The following TEX15 variants were observed in gnomAD, a reference collection of about 807,000 sequenced individuals.
The protein encoded by TEX15 is testis-expressed protein 15.
In TEX15, 171 loss-of-function variants were observed where a neutral mutation model predicts 237.3. The ratio of observed to expected loss-of-function variants is 0.72; its 90% CI spans 0.64 to 0.82. TEX15 has a LOEUF of 0.82. Ranked by LOEUF, TEX15 falls within the 40% of genes least tolerant of loss-of-function variation. The pLI is 0.00. For missense variants in TEX15, 3,750 were observed against 3,646.5 expected (o/e 1.03, Z -0.73); for synonymous variants, 1,338 against 1,269.8 (o/e 1.05, Z -1.14).
chr8:30,848,739 A>C lies in TEX15; in HGVS notation c.1428T>G (p.Ser476=), dbSNP rs1807693627. 6.2e-7 allele frequency: 1 copy of C among 1,614,234 alleles called. No homozygotes were observed. The highest frequency in any genetic ancestry group is 2.2e-5 in the East Asian group (1 of 44,884). Residue 476 remains serine (S), a synonymous_variant, in exon 8 of 11, where the codon TCT becomes TCG. Transcript: ENST00000643185. ...NSEIKSTPSN[S]ASSSEVVPGD... ...CAGGGACAACTTCTGAGGAGGAGGC[A>C]GAATTAGATGGTGTCGATTTTATTT...
At position 30,846,310 on chromosome 8, in the gene TEX15, TAGTC is replaced by T; in HGVS notation, c.3853_3856del (p.Asp1285IlefsTer10). 2.5e-6 allele frequency: 4 copies of T among 1,613,012 alleles called. No individual in the cohort carries two copies. The highest frequency in any genetic ancestry group is 3.4e-6 in the Non-Finnish European group (4 of 1,179,624). ...CTCCTTTTTATTTTTGGTATCATTA[TAGTC>T]AGTTTTTGATTTTGTAAAGAAACAT... On this transcript the variant is annotated frameshift_variant, in exon 8 of 11. Coordinates refer to ENST00000643185, the MANE Select transcript of TEX15 (RefSeq NM_001350162.2). LOFTEE classifies it high-confidence loss of function.
chr8:30,846,839 TATCAAGTGCTAACAGA>T lies in TEX15; in HGVS notation c.3312_3327del (p.Leu1105ThrfsTer68). 1 of 1,613,930 alleles carries T rather than the reference TATCAAGTGCTAACAGA, an allele frequency of 6.2e-7. No individual in the cohort carries two copies. The highest frequency in any genetic ancestry group is 1.1e-5 in the South Asian group (1 of 91,068). ...CTTTCCAAAACTTCCATCTCCCCGT[TATCAAGTGCTAACAGA>T]CCTTCCCAACTGATACGAGACTTCA... On this transcript the variant is annotated frameshift_variant, in exon 8 of 11. Transcript: ENST00000643185. LOFTEE classifies it high-confidence loss of function.
At chr8:30,897,536 G>C (rs1794931912) in intron 2 of TEX15, among the ~76,000 whole-genome samples, 1 of 152,132 alleles carries the variant, frequency 6.6e-6, no homozygotes, top group Non-Finnish European at 1.5e-5. Flanking sequence ...TCTGCTGAGA[G>C]TGAATTTCAC....
Position 30,843,495 on chromosome 8 carries a change from G to C in TEX15, c.6672C>G (p.Asp2224Glu), listed in dbSNP as rs1371859495. 2.5e-6 allele frequency: 4 copies of C among 1,612,854 alleles called. No individual in the cohort carries two copies. In the African/African-American group the frequency reaches 5.3e-5, roughly 22 times the overall value. ...STLKLINVCGDSPKVHSYPGK... is the reference protein window; with the variant it reads ...STLKLINVCGESPKVHSYPGK... ...CTGGATACGAATGAACTTTAGGAGAGTCCCCACATACATTGATCAACTTTA... is the reference window on the plus strand; with the variant it reads ...CTGGATACGAATGAACTTTAGGAGACTCCCCACATACATTGATCAACTTTA... Residue 2224 changes from aspartate (D) to glutamate (E), a missense_variant, in exon 8 of 11, where the codon GAC becomes GAG. By Grantham distance (45) the Asp-to-Glu change is conservative. Transcript: ENST00000643185.
rs1807217217 is a variant in TEX15 at position 30,833,119 on chromosome 8, C to T, written c.*167G>A. On this transcript the variant is annotated 3_prime_UTR_variant, in exon 11 of 11. Coordinates refer to ENST00000643185, the MANE Select transcript of TEX15 (RefSeq NM_001350162.2). ...ATATCAGATGTTAGAAATTGATGTC[C>T]TATATGATATGTGTTAGATTATTTG... 1 of 529,864 alleles carries T rather than the reference C, an allele frequency of 1.9e-6. No homozygotes were observed. The highest frequency in any genetic ancestry group is 2.0e-5 in the African/African-American group (1 of 51,158). The allele number at this position is 529,864 out of a possible 1,614,324, so 32.8% of individuals were successfully genotyped here. A position where few individuals can be genotyped will look rare whatever the true frequency, so the allele number is the denominator to read the frequency against.
At chr8:30,888,607 A>T in intron 2 of TEX15, 1 of 1,288,230 alleles carries the variant, frequency 7.8e-7, no homozygotes, top group South Asian at 1.2e-5. Context: ...ACACACAGGG[A>T]AATATATATA....
chr8:30,832,023 T>C lies in TEX15; in HGVS notation c.*1263A>G, dbSNP rs905165759. On this transcript the variant is annotated 3_prime_UTR_variant, in exon 11 of 11. Transcript: ENST00000643185. ...ACTTCTTTCGGTTACAGTTCTTTGC[T>C]TGACCTTCCCTTTTTAAAGATCTCT... 6.6e-6 allele frequency: 1 copy of C among 152,238 alleles called. No individual in the cohort carries two copies. Among genetic ancestry groups the C allele is most frequent in the African/African-American group, 2.4e-5 (1 of 41,460 alleles). The allele number at this position is 152,238 out of a possible 1,614,324, so 9.4% of individuals were successfully genotyped here. A position where few individuals can be genotyped will look rare whatever the true frequency, so the allele number is the denominator to read the frequency against.
In TEX15 at chr8:30,875,037, A is replaced by G; in HGVS notation, c.202T>C (p.Cys68Arg). ...AGATCACAGTTTACATCAAGCCTGC[A>G]CTGGTTAAGAGTATCATGTATAAAA... ...YSFIHDTLNQ[C>R]RLDVNCDLQS... Residue 68 changes from cysteine to arginine, a missense_variant, in exon 4 of 11, where the codon TGC (cysteine) becomes CGC (arginine). Transcript: ENST00000643185. The G allele has an allele frequency of 7.3e-7, 1 of 1,369,872 alleles. No individual in the cohort carries two copies. The highest frequency in any genetic ancestry group is 9.4e-7 in the Non-Finnish European group (1 of 1,059,086). The allele number at this position is 1,369,872 out of a possible 1,614,324, so 84.9% of individuals were successfully genotyped here.
intron 4 of TEX15, among the ~76,000 whole-genome samples, chr8:30,869,415 C>A (rs575218181): frequency 1.3e-5 from 2 of 152,118 alleles, no homozygotes; most frequent in East Asian, 3.9e-4. Context: ...AAACTCCCTC[C>A]GCTTGTAACA....
rs202048408 is a variant in TEX15 at position 30,848,389 on chromosome 8, T to C, written c.1778A>G (p.Tyr593Cys). The change falls in exon 8 of 11, where the codon TAT (tyrosine) becomes TGT (cysteine). Residue 593 changes from tyrosine to cysteine, a missense_variant. By Grantham distance (194) the Tyr-to-Cys change is radical. Coordinates refer to ENST00000643185, the MANE Select transcript of TEX15 (RefSeq NM_001350162.2). ...TGTAGACGTTTGGCAACCAGTCTGA[T>C]AAATTGTTTTTAAATCAGAAGACTG... Reference protein sequence around the residue: ...DSQSSDLKTIYQTGCQTSTVF... With the variant: ...DSQSSDLKTICQTGCQTSTVF... The C allele has an allele frequency of 1.2e-6, 2 of 1,614,168 alleles. No homozygotes were observed. Among genetic ancestry groups the C allele is most frequent in the East Asian group, 2.2e-5 (1 of 44,890 alleles).
intron 3 of TEX15, among the ~76,000 whole-genome samples, chr8:30,884,840 T>C (rs1255027454): frequency 6.6e-6 from 1 of 152,150 alleles, no homozygotes; most frequent in African/African-American, 2.4e-5. Flanking sequence ...ATTTCTGCTC[T>C]AATTTTTATT....
chr8:30,876,851 T>C (rs1033035129), intron 3 of TEX15, among the ~76,000 whole-genome samples: 2 of 152,080 alleles, frequency 1.3e-5, no homozygotes, highest in Admixed American at 6.6e-5. Flanking sequence ...AGGGACCCAG[T>C]GGAAGGTAAT....
intron 10 of TEX15, among the ~76,000 whole-genome samples, chr8:30,834,655 T>G (rs1048768142): frequency 6.6e-6 from 1 of 152,186 alleles, no homozygotes; most frequent in Non-Finnish European, 1.5e-5. Context: ...ACGAGAGAGA[T>G]TGTTCTATGG....
chr8:30,868,752 C>G (rs1467616631), intron 4 of TEX15, among the ~76,000 whole-genome samples: 3 of 151,870 alleles, frequency 2.0e-5, no homozygotes, highest in African/African-American at 7.3e-5. Context: ...AAGATTCTTA[C>G]ACTATACATA....
rs749905158 is a variant in TEX15 at position 30,844,185 on chromosome 8, C to A, written c.5982G>T (p.Thr1994=). 6.2e-7 allele frequency: 1 copy of A among 1,612,268 alleles called. No homozygotes were observed. The highest frequency in any genetic ancestry group is 1.3e-5 in the African/African-American group (1 of 74,786). Residue 1994 remains threonine, a synonymous_variant, in exon 8 of 11, where the codon ACG becomes ACT. Transcript: ENST00000643185. ...TTTGAGATAGATTAGCTATAAGGGC[C>A]GTATGATTAGCTGAGCAATGTTTTT... ...FKEKHCSANH[T]ALIANLSQIL...
In TEX15 at chr8:30,847,746, A is replaced by G. The variant is rs1370360882; in HGVS notation, c.2421T>C (p.His807=). The change falls in exon 8 of 11, where the codon CAT becomes CAC. Residue 807 remains histidine (H), a synonymous_variant. Transcript: ENST00000643185. ...CSITREHICV[H]RKNENEPVSL... Reference sequence around the variant, plus strand: ...ACACTGGTTCATTTTCATTTTTCCTATGGACACATATATGTTCTCTAGTTA... The same window carrying G: ...ACACTGGTTCATTTTCATTTTTCCTGTGGACACATATATGTTCTCTAGTTA... 3 of 1,613,616 alleles carry G rather than the reference A, an allele frequency of 1.9e-6. No individual in the cohort carries two copies. The highest frequency in any genetic ancestry group is 1.1e-5 in the South Asian group (1 of 91,068).
At position 30,844,195 on chromosome 8, in the gene TEX15, G is replaced by A. The variant is rs371577445; in HGVS notation, c.5972C>T (p.Ala1991Val). ...ATTAGCTATAAGGGCCGTATGATTA[G>A]CTGAGCAATGTTTTTCTTTAAAATC... Reference protein sequence around the residue: ...VSDFKEKHCSANHTALIANLS... With the variant: ...VSDFKEKHCSVNHTALIANLS... The change falls in exon 8 of 11, where the codon GCT becomes GTT. Residue 1991 changes from alanine to valine, a missense_variant. Transcript: ENST00000643185. 2 of 1,611,854 alleles carry A rather than the reference G, an allele frequency of 1.2e-6. No homozygotes were observed. The highest frequency in any genetic ancestry group is 1.7e-6 in the Non-Finnish European group (2 of 1,179,194).
At chr8:30,887,364 C>G in intron 2 of TEX15, 53 bp from the exon 3 acceptor site, 1 of 1,408,826 alleles carries the variant, frequency 7.1e-7, no homozygotes, top group Non-Finnish European at 9.4e-7. Flanking sequence ...ACATAAAAGG[C>G]AATGGCAGTA....
At chr8:30,907,389 TTGAG>T in intron 1 of TEX15, among the ~76,000 whole-genome samples, 1 of 151,438 alleles carries the variant, frequency 6.6e-6, no homozygotes. Context: ...CCTCAGCCTC[TTGAG>T]TATCTAGGAC....
Sources: gnomAD v4.1 joint callset for allele counts (sites outside exome capture counted in the v4.1 genomes callset) on GRCh38, gnomAD v4.1.1 for gene constraint, MANE v1.5 for transcripts, NCBI Gene and HGNC (gene_info 2026-07-23, HGNC 2026-07-21) for gene names.